CACNB2: variants seen among roughly 807,000 people sequenced by gnomAD.
CACNB2 encodes the protein calcium voltage-gated channel auxiliary subunit beta 2, also known as voltage-dependent L-type calcium channel subunit beta-2.
In CACNB2, 42 loss-of-function variants were observed where a neutral mutation model predicts 73.3. The ratio of observed to expected loss-of-function variants is 0.57; its 90% CI spans 0.45 to 0.74. The LOEUF (loss-of-function observed/expected upper bound fraction) is 0.74, where lower values mean the gene tolerates loss of function less well. Among genes scored for constraint, CACNB2 ranks in the 30% least tolerant of loss-of-function variants. CACNB2 has a pLI of 0.00. For missense variants in CACNB2, 940 were observed against 853.0 expected, an observed-to-expected ratio of 1.10 and a Z score of -1.27; for synonymous variants, 348 against 310.3, an observed-to-expected ratio of 1.12 and a Z score of -1.28.
chr10:18,298,777 G>T (rs1484018986), intron 2 of CACNB2, among the ~76,000 whole-genome samples: 1 of 152,174 alleles, frequency 6.6e-6, no homozygotes, highest in Non-Finnish European at 1.5e-5. Context: ...GGGGCAGATG[G>T]ATAATCCCTC....
intron 6 of CACNB2, among the ~76,000 whole-genome samples, chr10:18,507,223 C>T (rs1360639948): frequency 6.6e-6 from 1 of 152,070 alleles, no homozygotes; most frequent in Non-Finnish European, 1.5e-5. Flanking sequence ...AGGATAAAAA[C>T]TTTAGAAAGG....
intron 2 of CACNB2, among the ~76,000 whole-genome samples, chr10:18,303,240 TC>T (rs1253275266): frequency 1.3e-5 from 2 of 152,280 alleles, no homozygotes; most frequent in African/African-American, 4.8e-5. Context: ...TGGTGACTCA[TC>T]CCTGTAATCC....
rs146978404 is a variant in CACNB2 at position 18,272,708 on chromosome 10, G to A, written c.213+121733G>A. ...TTCCCCTGCACAAGCCCTCTTATCC[G>A]CCGCCATGTAAGATGTCCCTTTGCT... On this transcript the variant is annotated intron_variant, in intron 2 of 13. Transcript: ENST00000324631. Among the ~76,000 whole-genome samples, 444 of 152,276 alleles carry A rather than the reference G, an allele frequency of 2.9e-3. 2 individuals carry two copies. The highest frequency in any genetic ancestry group is 0.01 in the African/African-American group (424 of 41,552).
chr10:18,152,410 A>G (rs2031638131), intron 2 of CACNB2, among the ~76,000 whole-genome samples: 1 of 152,136 alleles, frequency 6.6e-6, no homozygotes, highest in Non-Finnish European at 1.5e-5. Flanking sequence ...AAGCCACGTG[A>G]GGCTCAACCC....
intron 2 of CACNB2, among the ~76,000 whole-genome samples, chr10:18,337,835 A>G (rs2041068146): frequency 6.6e-6 from 1 of 152,188 alleles, no homozygotes; most frequent in Admixed American, 6.5e-5. Context: ...AAAAGTCTCT[A>G]TATATTAAGG....
chr10:18,506,017 C>T lies in CACNB2; in HGVS notation c.594-454C>T, dbSNP rs184564053. On this transcript the variant is annotated intron_variant, in intron 5 of 13. Transcript: ENST00000324631. ...TTCTTTGATAGATTGCTCATGAAAG[C>T]GTGAGTGCTTTCAATCTTAGTGTAC... Among the ~76,000 whole-genome samples, 438 of 152,200 alleles carry T rather than the reference C, an allele frequency of 2.9e-3. 2 individuals are homozygous for T. The highest frequency in any genetic ancestry group is 0.014 in the Middle Eastern group (4 of 294).
intron 2 of CACNB2, among the ~76,000 whole-genome samples, chr10:18,218,197 A>C (rs2035588933): frequency 2.0e-5 from 3 of 152,204 alleles, no homozygotes; most frequent in African/African-American, 7.2e-5. Context: ...TAACAAATGT[A>C]CATTGTTTGT....
At chr10:18,196,822 C>A (rs2034646888) in intron 2 of CACNB2, among the ~76,000 whole-genome samples, 1 of 152,142 alleles carries the variant, frequency 6.6e-6, no homozygotes, top group African/African-American at 2.4e-5. Context: ...TTTAGGGAGA[C>A]TTTAGAACAA....
At chr10:18,372,485 C>CAA (rs1244838019) in intron 2 of CACNB2, among the ~76,000 whole-genome samples, 1 of 152,186 alleles carries the variant, frequency 6.6e-6, no homozygotes, top group African/African-American at 2.4e-5. Context: ...CGGCTCACTG[C>CAA]AACCTCTGCC....
At chr10:18,394,556 CA>C (rs931271661) in intron 2 of CACNB2, among the ~76,000 whole-genome samples, 37 of 152,094 alleles carry the variant, frequency 2.4e-4, no homozygotes, top group African/African-American at 8.7e-4. Context: ...ACTCATTTTA[CA>C]AAGGGAGGAA....
intron 6 of CACNB2, among the ~76,000 whole-genome samples, chr10:18,510,703 G>C (rs1337323206): frequency 6.6e-6 from 1 of 152,164 alleles, no homozygotes; most frequent in African/African-American, 2.4e-5. Flanking sequence ...ACTGTCCAAG[G>C]GTCCTGTAAA....
chr10:18,492,773 G>C (rs913413176), intron 3 of CACNB2, among the ~76,000 whole-genome samples: 9 of 152,162 alleles, frequency 5.9e-5, no homozygotes, highest in African/African-American at 2.2e-4. Context: ...TTTGTGTCGT[G>C]CATGTGGCAG....
intron 2 of CACNB2, among the ~76,000 whole-genome samples, chr10:18,307,648 C>T (rs900216388): frequency 1.3e-5 from 2 of 152,012 alleles, no homozygotes; most frequent in African/African-American, 2.4e-5. Flanking sequence ...ATATTTGTTG[C>T]ATGAATTAAA....
intron 2 of CACNB2, among the ~76,000 whole-genome samples, chr10:18,225,577 GCTCCTTCC>G (rs923021381): frequency 7.0e-4 from 28 of 39,754 alleles, no homozygotes; most frequent in Non-Finnish European, 1.2e-3. Flanking sequence ...TCCCTCCCTC[GCTCCTTCC>G]TTCCTTCCTT....
chr10:18,222,689 C>A (rs555176678), intron 2 of CACNB2, among the ~76,000 whole-genome samples: 15 of 152,316 alleles, frequency 9.8e-5, no homozygotes, highest in Non-Finnish European at 2.1e-4. Flanking sequence ...GTAATCCCAG[C>A]ACTTTGGGAG....
intron 11 of CACNB2, among the ~76,000 whole-genome samples, chr10:18,535,181 C>A (rs1470707563): frequency 6.6e-6 from 1 of 152,020 alleles, no homozygotes; most frequent in African/African-American, 2.4e-5. Flanking sequence ...CAAGACAGAC[C>A]AATGGAATGT....
rs58830289 is a variant in CACNB2, at chr10:18,539,741, T to G, written c.*17T>G. The G allele has an allele frequency of 2.0e-5, 7 of 342,066 alleles. No individual in the cohort carries two copies. The highest frequency in any genetic ancestry group is 1.4e-4 in the Admixed American group (1 of 7,134). The allele number at this position is 342,066 out of a possible 1,614,324, so 21.2% of individuals were successfully genotyped here. On this transcript the variant is annotated 3_prime_UTR_variant, in exon 14 of 14. Coordinates refer to ENST00000324631, the MANE Select transcript of CACNB2 (RefSeq NM_201596.3). ...CGCCAATGAGTTTTGCCCGTTTGTGTTTTTTTTTTTTTTTTTTTGAAGTCT... is the reference window on the plus strand; with the variant it reads ...CGCCAATGAGTTTTGCCCGTTTGTGGTTTTTTTTTTTTTTTTTTGAAGTCT...
chr10:18,478,771 A>C (rs952324534), intron 3 of CACNB2, among the ~76,000 whole-genome samples: 2 of 152,174 alleles, frequency 1.3e-5, no homozygotes, highest in African/African-American at 4.8e-5. Context: ...ACAGAGATAA[A>C]TTTGTAAATA....
At chr10:18,175,344 C>T (rs1393641623) in intron 2 of CACNB2, among the ~76,000 whole-genome samples, 3 of 152,152 alleles carry the variant, frequency 2.0e-5, no homozygotes, top group Non-Finnish European at 2.9e-5. Flanking sequence ...CCCCCAAATA[C>T]GCAGCTGGCC....
Sources: allele counts gnomAD v4.1 joint callset (sites outside exome capture counted in the v4.1 genomes callset), GRCh38; gene constraint gnomAD v4.1.1; transcripts MANE v1.5; gene names NCBI Gene and HGNC (gene_info 2026-07-23, HGNC 2026-07-21).